Variants in CYTH3 observed in about 807,000 individuals in gnomAD.
CYTH3 encodes the protein cytohesin 3.
In CYTH3, 23 loss-of-function variants were observed where a neutral mutation model predicts 55.1. The ratio of observed to expected loss-of-function variants is 0.42; its 90% CI spans 0.30 to 0.59. The LOEUF is 0.59. Among genes scored for constraint, CYTH3 ranks in the 20% least tolerant of loss-of-function variants. The pLI is 0.20. For synonymous variants in CYTH3, 249 were observed against 194.9 expected (o/e 1.28, Z -2.31); for missense variants, 413 against 524.8 (o/e 0.79, Z 2.08).
intron 4 of CYTH3, among the ~76,000 whole-genome samples, chr7:6,178,468 A>T (rs1562880738): frequency 6.6e-6 from 1 of 152,218 alleles, no homozygotes; most frequent in Non-Finnish European, 1.5e-5. Flanking sequence ...CAGAAAGGCA[A>T]GCCTGGAGGG....
intron 1 of CYTH3, among the ~76,000 whole-genome samples, chr7:6,214,912 T>C (rs573620712): frequency 5.3e-5 from 8 of 151,934 alleles, no homozygotes; most frequent in Admixed American, 1.3e-4. Context: ...ATAGAGACAA[T>C]AGTATTTTCT....
At chr7:6,226,965 A>T (rs1779271654) in intron 1 of CYTH3, among the ~76,000 whole-genome samples, 1 of 152,070 alleles carries the variant, frequency 6.6e-6, no homozygotes, top group African/African-American at 2.4e-5. Flanking sequence ...CTGTAGTCCC[A>T]GCTACTCAGG....
intron 1 of CYTH3, among the ~76,000 whole-genome samples, chr7:6,261,924 G>A (rs752996415): frequency 1.3e-5 from 2 of 151,790 alleles, no homozygotes; most frequent in Non-Finnish European, 1.5e-5. Flanking sequence ...TCCAAATATC[G>A]GAGTTATCAG....
rs1404939143 is a variant in CYTH3, at chr7:6,167,148, A to G, written c.824-1338T>C. On this transcript the variant is annotated intron_variant, in intron 9 of 12. Coordinates refer to ENST00000350796, the MANE Select transcript of CYTH3 (RefSeq NM_004227.4). This position sits in a 1 kb window ranked among gnomAD's most constrained non-coding sequence, Gnocchi z 5.5. ...CCCAGCCAGGCCCACAGCAAGGCCC[A>G]AAGTCCTTGTTGCCCTCGTGTCCCT... Among the ~76,000 whole-genome samples the G allele has an allele frequency of 1.3e-5, 2 of 152,120 alleles. No individual in the cohort carries two copies. Among genetic ancestry groups the G allele is most frequent in the Admixed American group, 6.5e-5 (1 of 15,272 alleles).
chr7:6,196,352 A>G (rs1240067678), intron 1 of CYTH3, among the ~76,000 whole-genome samples: 1 of 152,158 alleles, frequency 6.6e-6, no homozygotes, highest in Non-Finnish European at 1.5e-5. Context: ...ACCAACATCG[A>G]ATGCCCAGAG....
intron 1 of CYTH3, among the ~76,000 whole-genome samples, chr7:6,262,213 G>A (rs1432833365): frequency 1.3e-5 from 2 of 152,166 alleles, no homozygotes; most frequent in Non-Finnish European, 2.9e-5. Context: ...GACACAGAGG[G>A]CATGTTTAAT....
chr7:6,188,858 G>C (rs544783082), intron 2 of CYTH3: 1 of 152,098 alleles, frequency 6.6e-6, no homozygotes, highest in Non-Finnish European at 1.5e-5. Flanking sequence ...CCAATTCTGG[G>C]TTATCTGATT....
rs1429807183 is a variant in CYTH3, at chr7:6,257,595, A to T, written c.34+14879T>A. Among the ~76,000 whole-genome samples, 3 of 152,242 alleles carry T rather than the reference A, an allele frequency of 2.0e-5. No individual in the cohort carries two copies. The East Asian group carries it at 5.8e-4, about 29-fold the overall frequency. Reference sequence around the variant, plus strand: ...TAAAAGGGGAGAAAGTGTTAGTCTCAAAAAGAAAATATAACCTAGCCAAGT... The same window carrying T: ...TAAAAGGGGAGAAAGTGTTAGTCTCTAAAAGAAAATATAACCTAGCCAAGT... On this transcript the variant is annotated intron_variant, in intron 1 of 12. Transcript: ENST00000350796.
At chr7:6,267,675 C>A (rs1345876931) in intron 1 of CYTH3, among the ~76,000 whole-genome samples, 1 of 152,164 alleles carries the variant, frequency 6.6e-6, no homozygotes, top group Non-Finnish European at 1.5e-5. Context: ...AGGTGCGCAT[C>A]ACTATGCCCG....
At chr7:6,225,912 T>A (rs1035626784) in intron 1 of CYTH3, among the ~76,000 whole-genome samples, 3 of 151,630 alleles carry the variant, frequency 2.0e-5, no homozygotes, top group Admixed American at 2.0e-4. Flanking sequence ...ACTCCTGACC[T>A]TGGGAGCTCA....
At chr7:6,185,051 T>C (rs1783601221) in intron 4 of CYTH3, among the ~76,000 whole-genome samples, 1 of 152,244 alleles carries the variant, frequency 6.6e-6, no homozygotes, top group Non-Finnish European at 1.5e-5. Flanking sequence ...ATGCTTCCAA[T>C]GCTTATTACA....
rs145897679 is a variant in CYTH3 at position 6,205,352 on chromosome 7, C to G, written c.35-14821G>C. Among the ~76,000 whole-genome samples the G allele has an allele frequency of 3.4e-3, 522 of 152,252 alleles. 8 individuals carry two copies. The highest frequency in any genetic ancestry group is 0.012 in the African/African-American group (479 of 41,530). On this transcript the variant is annotated intron_variant, in intron 1 of 12. Transcript: ENST00000350796. ...CTTTGGGAGTCCAAGGTGGGCAGAT[C>G]ACCTGAGGTCAGGAGTTTGAGATCA... is the stretch of plus-strand genomic sequence containing the variant.
intron 1 of CYTH3, among the ~76,000 whole-genome samples, chr7:6,243,385 T>A (rs975397040): frequency 6.6e-6 from 1 of 152,158 alleles, no homozygotes; most frequent in Non-Finnish European, 1.5e-5. Context: ...ACCGAGCACA[T>A]GCTTTGGGTC....
At chr7:6,166,472 CCT>C (rs553499190) in intron 9 of CYTH3, among the ~76,000 whole-genome samples, 16 of 152,226 alleles carry the variant, frequency 1.1e-4, no homozygotes, top group South Asian at 2.1e-4. Context: ...GGTACTAGGC[CCT>C]CTCTGCCCCA....
intron 4 of CYTH3, among the ~76,000 whole-genome samples, chr7:6,180,040 C>T (rs904183485): frequency 1.3e-5 from 2 of 152,132 alleles, no homozygotes; most frequent in South Asian, 4.1e-4. Flanking sequence ...TGGGGCTTTG[C>T]TATTGGCTCT....
At chr7:6,265,282 AC>A (rs1583208989) in intron 1 of CYTH3, among the ~76,000 whole-genome samples, 2 of 152,050 alleles carry the variant, frequency 1.3e-5, no homozygotes, top group East Asian at 3.9e-4. Context: ...TATGTGGCCC[AC>A]AAAGCCTATG....
At chr7:6,194,840 T>C (rs1213628858) in intron 1 of CYTH3, among the ~76,000 whole-genome samples, 2 of 152,056 alleles carry the variant, frequency 1.3e-5, no homozygotes, top group African/African-American at 4.8e-5. Flanking sequence ...CTGGGTGCCG[T>C]GGCGGGCGCC....
chr7:6,189,752 G>A lies in CYTH3; in HGVS notation c.117+697C>T, dbSNP rs370036144. On this transcript the variant is annotated intron_variant, in intron 2 of 12. Coordinates refer to ENST00000350796, the MANE Select transcript of CYTH3 (RefSeq NM_004227.4). The stretch of plus-strand genomic sequence containing the variant: ...CTAGGTGCTAGAACATTAACATATT[G>A]GTGGCTGGGCGCAGTGGCTCACGTC... 1.4e-4 allele frequency among the ~76,000 whole-genome samples: 22 copies of A among 152,112 alleles called. No homozygotes were observed. In the East Asian group the frequency reaches 3.7e-3, roughly 25 times the overall value.
In CYTH3 at chr7:6,259,798, T is replaced by TAG. The variant is rs1331900347; in HGVS notation, c.34+12675_34+12676insCT. 2.4e-4 allele frequency among the ~76,000 whole-genome samples: 6 copies of TAG among 24,902 alleles called. No homozygotes were observed. The African/African-American group carries it at 3.1e-3, about 13-fold the overall frequency. 16.3% of individuals were successfully genotyped at this position (24,902 alleles called of 152,430 possible). A position where few individuals can be genotyped will look rare whatever the true frequency, so the allele number is the denominator to read the frequency against. On this transcript the variant is annotated intron_variant, in intron 1 of 12. Transcript: ENST00000350796. ...TATATATATATAATATATATATATA[T>TAG]ATATATATATATATAATATATATAT...
Sources: allele counts gnomAD v4.1 joint callset (sites outside exome capture counted in the v4.1 genomes callset), GRCh38; gene constraint gnomAD v4.1.1; non-coding constraint Gnocchi (gnomAD v3.1); transcripts MANE v1.5; gene names NCBI Gene and HGNC (gene_info 2026-07-23, HGNC 2026-07-21).